The following POU6F2 variants were observed in gnomAD, a reference collection of about 807,000 sequenced individuals.
POU6F2 encodes the protein POU class 6 homeobox 2, also known as POU domain, class 6, transcription factor 2.
POU6F2 carries 31 observed loss-of-function variants against 71.3 expected under a neutral mutation model. The ratio of observed to expected loss-of-function variants is 0.43; its 90% CI spans 0.33 to 0.59. POU6F2 has a LOEUF of 0.59. Among genes scored for constraint, POU6F2 ranks in the 20% least tolerant of loss-of-function variants. The probability of loss-of-function intolerance (pLI) is 0.04; values close to 1 mark genes in which losing one functional copy is unlikely to be tolerated. For synonymous variants in POU6F2, 347 were observed against 355.7 expected, an observed-to-expected ratio of 0.98 and a Z score of 0.27; for missense variants, 783 against 856.8, an observed-to-expected ratio of 0.91 and a Z score of 1.07.
chr7:39,374,995 T>C (rs1270909177), intron 5 of POU6F2, among the ~76,000 whole-genome samples: 1 of 152,214 alleles, frequency 6.6e-6, no homozygotes, highest in Non-Finnish European at 1.5e-5. Context: ...CTAACTGCTT[T>C]CTACAGTTTG....
At chr7:38,978,752 G>T (rs886737846) in intron 1 of POU6F2, among the ~76,000 whole-genome samples, 1 of 152,138 alleles carries the variant, frequency 6.6e-6, no homozygotes, top group Non-Finnish European at 1.5e-5. Flanking sequence ...GAGGTGAGCT[G>T]GTCTGGGGCT....
chr7:39,421,917 A>G (rs1336337336), intron 6 of POU6F2, among the ~76,000 whole-genome samples: 1 of 152,236 alleles, frequency 6.6e-6, no homozygotes, highest in Non-Finnish European at 1.5e-5. Context: ...AAGCAGAAAT[A>G]CTTCTGCAAA....
chr7:39,265,994 G>T (rs1187122920), intron 4 of POU6F2, among the ~76,000 whole-genome samples: 1 of 152,140 alleles, frequency 6.6e-6, no homozygotes, highest in East Asian at 1.9e-4. Flanking sequence ...TAATTGCTAA[G>T]ATATCAATAA....
intron 1 of POU6F2, among the ~76,000 whole-genome samples, chr7:39,012,916 T>C (rs1223476343): frequency 6.6e-6 from 1 of 151,830 alleles, no homozygotes; most frequent in African/African-American, 2.4e-5. Flanking sequence ...GGAGAACCAC[T>C]GCTCTCTTCA....
intron 1 of POU6F2, among the ~76,000 whole-genome samples, chr7:39,050,361 T>C (rs946349974): frequency 6.6e-6 from 1 of 152,064 alleles, no homozygotes; most frequent in African/African-American, 2.4e-5. Flanking sequence ...AAAAAGTTTA[T>C]AGTTCAGACA....
intron 4 of POU6F2, among the ~76,000 whole-genome samples, chr7:39,223,019 A>G (rs1794399694): frequency 6.6e-6 from 1 of 152,228 alleles, no homozygotes; most frequent in African/African-American, 2.4e-5. Flanking sequence ...ACAGTGCACA[A>G]GGATGCCAGT....
At chr7:39,046,551 A>G (rs1254777516) in intron 1 of POU6F2, among the ~76,000 whole-genome samples, 1 of 151,920 alleles carries the variant, frequency 6.6e-6, no homozygotes, top group East Asian at 1.9e-4. Context: ...AGGATTTTGC[A>G]TAACAGCATT....
At chr7:39,203,223 T>G (rs920659406) in intron 2 of POU6F2, among the ~76,000 whole-genome samples, 1 of 152,170 alleles carries the variant, frequency 6.6e-6, no homozygotes, top group African/African-American at 2.4e-5. Context: ...TGTGACAGAG[T>G]CATATCTTTT....
At chr7:39,452,090 G>T (rs1788674821) in intron 8 of POU6F2, among the ~76,000 whole-genome samples, 1 of 152,224 alleles carries the variant, frequency 6.6e-6, no homozygotes, top group Admixed American at 6.5e-5. Context: ...CTGCTTTTAT[G>T]TGTGTTTGAA....
At chr7:39,108,030 A>G (rs1051239975) in intron 2 of POU6F2, among the ~76,000 whole-genome samples, 8 of 152,214 alleles carry the variant, frequency 5.3e-5, no homozygotes, top group African/African-American at 1.9e-4. Context: ...CTGTAGCAAC[A>G]GATGGTTTCA....
At chr7:39,014,353 T>C (rs1023224095) in intron 1 of POU6F2, among the ~76,000 whole-genome samples, 2 of 152,182 alleles carry the variant, frequency 1.3e-5, no homozygotes, top group Non-Finnish European at 2.9e-5. Context: ...TGGAAAAGCA[T>C]GTTTTCAGGA....
chr7:39,433,407 A>G, intron 7 of POU6F2, 124 bp downstream of exon 7: 1 of 1,009,464 alleles, frequency 9.9e-7, no homozygotes, highest in South Asian at 1.8e-5. Flanking sequence ...ACTCATCTGA[A>G]CATATCGATA....
intron 2 of POU6F2, among the ~76,000 whole-genome samples, chr7:39,121,400 C>T (rs1792038178): frequency 6.6e-6 from 1 of 152,178 alleles, no homozygotes; most frequent in African/African-American, 2.4e-5. Context: ...TGTATTCTCC[C>T]ATCCATACTT....
intron 2 of POU6F2, among the ~76,000 whole-genome samples, chr7:39,090,530 C>G (rs1414003683): frequency 6.6e-6 from 1 of 152,092 alleles, no homozygotes; most frequent in East Asian, 1.9e-4. Flanking sequence ...TTAAACGTCT[C>G]TCTCCAGGCT....
In POU6F2 at chr7:39,239,069, G is replaced by A. The variant is rs28513923; in HGVS notation, c.598+31449G>A. Among the ~76,000 whole-genome samples, 988 of 152,222 alleles carry A rather than the reference G, an allele frequency of 6.5e-3. 10 individuals carry two copies. The highest frequency in any genetic ancestry group is 0.023 in the African/African-American group (948 of 41,544). Reference sequence around the variant, plus strand: ...TTAGCACAAGATGGTAATTACATATGTAGACATTTTTGAGCTATATATTTA... The same window carrying A: ...TTAGCACAAGATGGTAATTACATATATAGACATTTTTGAGCTATATATTTA... On this transcript the variant is annotated intron_variant, in intron 4 of 9. Transcript: ENST00000518318.
At chr7:39,417,821 C>T (rs1787714729) in intron 6 of POU6F2, among the ~76,000 whole-genome samples, 1 of 152,214 alleles carries the variant, frequency 6.6e-6, no homozygotes, top group African/African-American at 2.4e-5. Flanking sequence ...CATCTGCAAG[C>T]AGCTCTGCCC....
intron 2 of POU6F2, among the ~76,000 whole-genome samples, chr7:39,173,673 A>G (rs1177408099): frequency 6.6e-6 from 1 of 152,182 alleles, no homozygotes. Flanking sequence ...TAGATGCCCA[A>G]AGCAATGTGG....
chr7:39,200,997 C>T (rs1793887698), intron 2 of POU6F2, among the ~76,000 whole-genome samples: 1 of 151,756 alleles, frequency 6.6e-6, no homozygotes, highest in Non-Finnish European at 1.5e-5. Context: ...ACTGCACTCT[C>T]GCTGGAGCAA....
intron 5 of POU6F2, among the ~76,000 whole-genome samples, chr7:39,388,920 T>C (rs968759648): frequency 3.3e-5 from 5 of 152,218 alleles, no homozygotes; most frequent in Admixed American, 2.0e-4. Context: ...TAGAAAAATA[T>C]AGGATTGTTT....
Sources: allele counts gnomAD v4.1 joint callset (sites outside exome capture counted in the v4.1 genomes callset), GRCh38; gene constraint gnomAD v4.1.1; transcripts MANE v1.5; gene names NCBI Gene and HGNC (gene_info 2026-07-23, HGNC 2026-07-21).